The following CLDN14 variants were observed in gnomAD, a reference collection of about 807,000 sequenced individuals.
CLDN14 encodes claudin-14.
Under a neutral mutation model 2.1 loss-of-function variants are expected in CLDN14, and 2 were observed. That is an observed-to-expected ratio of 0.96 (90% CI 0.39 to 3.01). The LOEUF is 3.01. CLDN14 is among the 30% of genes most tolerant of loss of function. The probability of loss-of-function intolerance (pLI) is 0.09; values close to 1 mark genes in which losing one functional copy is unlikely to be tolerated. For synonymous variants in CLDN14, 136 were observed against 154.4 expected (o/e 0.88, Z 0.88); for missense variants, 298 against 328.0 (o/e 0.91, Z 0.71).
intron 1 of CLDN14, among the ~76,000 whole-genome samples, chr21:36,512,731 G>T (rs2087195895): frequency 6.6e-6 from 1 of 152,182 alleles, no homozygotes; most frequent in Non-Finnish European, 1.5e-5. Context: ...ACATATGTGT[G>T]TATGCACACG....
chr21:36,527,358 T>C (rs989638237), intron 1 of CLDN14, among the ~76,000 whole-genome samples: 7 of 151,674 alleles, frequency 4.6e-5, no homozygotes, highest in African/African-American at 1.7e-4. Flanking sequence ...CTACCCTCCA[T>C]GAGATAATTT....
chr21:36,526,829 AG>A (rs2087334433), intron 1 of CLDN14, among the ~76,000 whole-genome samples: 1 of 152,136 alleles, frequency 6.6e-6, no homozygotes, highest in Admixed American at 6.5e-5. Flanking sequence ...TCATTACTGA[AG>A]GCAGCTGCTA....
intron 1 of CLDN14, among the ~76,000 whole-genome samples, chr21:36,521,790 G>T (rs1372733555): frequency 6.6e-6 from 1 of 152,116 alleles, no homozygotes; most frequent in African/African-American, 2.4e-5. Flanking sequence ...TGATGGGGAC[G>T]GAGGTCAGCA....
intron 2 of CLDN14, among the ~76,000 whole-genome samples, chr21:36,489,131 A>AAAATATATATATATATATATAT: frequency 3.2e-5 from 2 of 62,748 alleles, no homozygotes; most frequent in African/African-American, 5.9e-5. Context: ...AAAAAAAAAA[A>AAAATATATATATATATATATAT]ATATATATAT....
At chr21:36,505,323 T>A (rs4816538) in intron 2 of CLDN14, among the ~76,000 whole-genome samples, 133,491 of 152,050 alleles carry the variant, frequency 0.88, 59,281 homozygotes, top group Middle Eastern at 0.94. Flanking sequence ...TGGAATTTTT[T>A]AAAAAATAGC....
rs3030072 is a variant in CLDN14 at position 36,518,075 on chromosome 21, T to TACACACACACAC, written c.-219-7587_-219-7576dup. Among the ~76,000 whole-genome samples the TACACACACACAC allele has an allele frequency of 6.1e-3, 909 of 148,528 alleles. 5 individuals are homozygous for TACACACACACAC. Among genetic ancestry groups the TACACACACACAC allele is most frequent in the African/African-American group, 0.022 (871 of 39,858 alleles). On this transcript the variant is annotated intron_variant, in intron 1 of 2. Transcript: ENST00000342108. ...ATAAATCTCTCTCCACTTACATACGTACACACACACACACACACACACACA... is the reference window on the plus strand; with the variant it reads ...ATAAATCTCTCTCCACTTACATACGTACACACACACACACACACACACACACACACACACACA...
At chr21:36,473,641 T>C (rs186929104) in intron 1 of CLDN14, among the ~76,000 whole-genome samples, 30 of 152,238 alleles carry the variant, frequency 2.0e-4, no homozygotes, top group African/African-American at 6.7e-4. Flanking sequence ...GGGACTGAAC[T>C]GGAGAAGTCT....
intron 1 of CLDN14, among the ~76,000 whole-genome samples, chr21:36,545,524 C>CT (rs1229854781): frequency 6.6e-6 from 1 of 152,188 alleles, no homozygotes; most frequent in Non-Finnish European, 1.5e-5. Flanking sequence ...ATTTCCCTTA[C>CT]TAGAGGGGCT....
chr21:36,516,392 C>A (rs571034306), intron 1 of CLDN14, among the ~76,000 whole-genome samples: 125 of 152,248 alleles, frequency 8.2e-4, no homozygotes, highest in Middle Eastern at 3.4e-3. Flanking sequence ...AATAAGAATA[C>A]AAGCGACCGT....
At chr21:36,535,955 C>A (rs1228395619) in intron 1 of CLDN14, among the ~76,000 whole-genome samples, 1 of 152,246 alleles carries the variant, frequency 6.6e-6, no homozygotes, top group Non-Finnish European at 1.5e-5. Context: ...GGTGCTCCCC[C>A]ACCCTCGGAA....
chr21:36,478,723 G>A (rs1009964874), intron 1 of CLDN14, among the ~76,000 whole-genome samples: 6 of 152,140 alleles, frequency 3.9e-5, no homozygotes, highest in Admixed American at 6.5e-5. Context: ...TGAACACTGC[G>A]GGAATTAAAG....
intron 1 of CLDN14, among the ~76,000 whole-genome samples, chr21:36,574,193 C>A (rs755774004): frequency 2.6e-5 from 4 of 152,090 alleles, no homozygotes; most frequent in African/African-American, 7.2e-5. Context: ...AGGGTACTGG[C>A]ATAAAGACGG....
chr21:36,488,734 G>C (rs1270622439), intron 2 of CLDN14, among the ~76,000 whole-genome samples: 1 of 152,100 alleles, frequency 6.6e-6, no homozygotes, highest in Admixed American at 6.6e-5. Flanking sequence ...GGATGGTGGT[G>C]GATGGCTGCA....
At chr21:36,539,653 T>C (rs1330452047) in intron 1 of CLDN14, among the ~76,000 whole-genome samples, 2 of 140,854 alleles carry the variant, frequency 1.4e-5, no homozygotes, top group Non-Finnish European at 3.1e-5. Flanking sequence ...AGTGTGTGTG[T>C]AGTGAGTATG....
chr21:36,489,208 A>AAGAGAGAG (rs551064855), intron 2 of CLDN14, among the ~76,000 whole-genome samples: 27 of 111,264 alleles, frequency 2.4e-4, no homozygotes, highest in Non-Finnish European at 4.4e-4. Context: ...GAGAGAGAGA[A>AAGAGAGAG]AGAGAGAGAG....
intron 2 of CLDN14, chr21:36,486,183 A>T: frequency 9.2e-7 from 1 of 1,090,366 alleles, no homozygotes. Context: ...TCCATGGCTG[A>T]GCTGGCATCA....
intron 2 of CLDN14, among the ~76,000 whole-genome samples, chr21:36,485,630 A>G (rs965938131): frequency 1.3e-5 from 2 of 152,192 alleles, no homozygotes; most frequent in Admixed American, 1.3e-4. Context: ...TCATTTCCAA[A>G]TACAGAGCGA....
intron 2 of CLDN14, among the ~76,000 whole-genome samples, chr21:36,500,022 T>C (rs965286584): frequency 6.7e-6 from 1 of 149,870 alleles, no homozygotes; most frequent in Non-Finnish European, 1.5e-5. Flanking sequence ...GTTGTTCATT[T>C]ATAATGTTTG....
chr21:36,534,317 C>T (rs568272670), intron 1 of CLDN14, among the ~76,000 whole-genome samples: 48 of 152,154 alleles, frequency 3.2e-4, no homozygotes, highest in Non-Finnish European at 4.4e-4. Context: ...GGGGAGTCTC[C>T]GGCAAGGCAT....
Sources: gnomAD v4.1 joint callset for allele counts (sites outside exome capture counted in the v4.1 genomes callset) on GRCh38, gnomAD v4.1.1 for gene constraint, MANE v1.5 for transcripts, NCBI Gene and HGNC (gene_info 2026-07-23, HGNC 2026-07-21) for gene names.